Variants in UBE2S observed in about 807,000 individuals in gnomAD.
UBE2S encodes ubiquitin-conjugating enzyme E2 S.
Under a neutral mutation model 12.3 loss-of-function variants are expected in UBE2S, and 3 were observed. That is an observed-to-expected ratio of 0.24 (90% CI 0.11 to 0.63). The LOEUF (loss-of-function observed/expected upper bound fraction) is 0.63, where lower values mean the gene tolerates loss of function less well. UBE2S is among the 30% of genes least tolerant of loss of function. UBE2S has a pLI of 0.85. For missense variants in UBE2S, 211 were observed against 313.9 expected, an observed-to-expected ratio of 0.67 and a Z score of 2.48; for synonymous variants, 133 against 142.0, an observed-to-expected ratio of 0.94 and a Z score of 0.45.
In UBE2S at chr19:55,404,108, G is replaced by A; in HGVS notation, c.342+180C>T. 1 of 720,096 alleles carries A rather than the reference G, an allele frequency of 1.4e-6. No homozygotes were observed. The highest frequency in any genetic ancestry group is 2.3e-6 in the Non-Finnish European group (1 of 439,420). 44.6% of individuals were successfully genotyped at this position (720,096 alleles called of 1,614,324 possible). A position where few individuals can be genotyped will look rare whatever the true frequency, so the allele number is the denominator to read the frequency against. On this transcript the variant is annotated intron_variant, in intron 3 of 3. Coordinates refer to ENST00000264552, the MANE Select transcript of UBE2S (RefSeq NM_014501.3). The surrounding 1 kb of genome is among the most constrained non-coding windows in gnomAD (Gnocchi z 4.4). ...TCCTGGGCACTTCTCAACAGTACTT[G>A]GGTGTCCTGGGTCTGGCACTGTTTG...
At chr19:55,407,081 TG>T (rs2090100763) in intron 1 of UBE2S, 119 bp from the exon 2 acceptor site, 1 of 1,282,534 alleles carries the variant, frequency 7.8e-7, no homozygotes, top group South Asian at 1.5e-5. Context: ...CAATCACCCT[TG>T]AACTCCCAGA....
intron 2 of UBE2S, 143 bp downstream of exon 2, chr19:55,406,672 G>A (rs2090097975): frequency 3.1e-6 from 3 of 964,128 alleles, no homozygotes; most frequent in Admixed American, 2.8e-5. Context: ...ATTGTCATTT[G>A]TGGCGTCCTG....
At position 55,404,295 on chromosome 19, in the gene UBE2S, A is replaced by G. The variant is rs1330328877; in HGVS notation, c.335T>C (p.Val112Ala). The change falls in exon 3 of 4, where the codon GTA becomes GCA. Residue 112 changes from valine to alanine, a missense_variant. Transcript: ENST00000264552. This position sits in a 1 kb window ranked among gnomAD's most constrained non-coding sequence, Gnocchi z 4.4. ...DWTAELGIRH[V>A]LLTIKCLLIH... ...CCCCAGCCCAGAACTCACCAGCAGT[A>G]CGTGTCGGATGCCCAGCTCAGCCGT... 6.2e-7 allele frequency: 1 copy of G among 1,612,902 alleles called. No homozygotes were observed. Among genetic ancestry groups the G allele is most frequent in the African/African-American group, 1.3e-5 (1 of 74,902 alleles).
intron 2 of UBE2S, among the ~76,000 whole-genome samples, chr19:55,405,354 A>G (rs1476595031): frequency 6.6e-6 from 1 of 151,654 alleles, no homozygotes; most frequent in Non-Finnish European, 1.5e-5. Flanking sequence ...CTAAAAATAC[A>G]AAAAATTAGC....
intron 3 of UBE2S, chr19:55,403,291 A>C (rs1264240063): frequency 3.5e-6 from 2 of 573,178 alleles, no homozygotes; most frequent in East Asian, 5.7e-5. Context: ...GCTTTAGCAA[A>C]AAAGCCTCTA....
chr19:55,406,576 C>G (rs534564466), intron 2 of UBE2S, among the ~76,000 whole-genome samples: 3 of 152,282 alleles, frequency 2.0e-5, no homozygotes, highest in African/African-American at 7.2e-5. Flanking sequence ...TGTCTGAAAG[C>G]CTTGCTTCAA....
chr19:55,401,867 C>T, intron 3 of UBE2S, 105 bp from the exon 4 acceptor site: 2 of 1,241,180 alleles, frequency 1.6e-6, no homozygotes, highest in Middle Eastern at 1.9e-4. Flanking sequence ...CTGCTCCCAA[C>T]TCAGCTGCAG....
At chr19:55,402,263 C>T (rs530452315) in intron 3 of UBE2S, among the ~76,000 whole-genome samples, 4 of 152,316 alleles carry the variant, frequency 2.6e-5, no homozygotes, top group Non-Finnish European at 5.9e-5. Flanking sequence ...TAAAGCTCCC[C>T]ATCTTTCCAG....
Position 55,400,178 on chromosome 19 carries a change from T to C in UBE2S, c.*1258A>G, listed in dbSNP as rs2090046670. 1.3e-5 allele frequency: 2 copies of C among 152,184 alleles called. No homozygotes were observed. Among genetic ancestry groups the C allele is most frequent in the Non-Finnish European group, 2.9e-5 (2 of 68,034 alleles). 9.4% of individuals were successfully genotyped at this position (152,184 alleles called of 1,614,324 possible). ...TCTCCTATGGGTCAGAACTTGTAGA[T>C]TTTTATTGTAAATGTATTTTACTTT... On this transcript the variant is annotated 3_prime_UTR_variant, in exon 4 of 4. Coordinates refer to ENST00000264552, the MANE Select transcript of UBE2S (RefSeq NM_014501.3).
chr19:55,406,950 C>T lies in UBE2S; in HGVS notation c.16G>A (p.Glu6Lys). Residue 6 changes from glutamate to lysine, a missense_variant, in exon 2 of 4, where the codon GAG (glutamate) becomes AAG (lysine). By Grantham distance (56) the Glu-to-Lys change is moderately conservative (BLOSUM62 1). Transcript: ENST00000264552. Reference protein sequence around the residue: MNSNVENLPPHIIRLV... With the variant: MNSNVKNLPPHIIRLV... ...CGGATGATGTGCGGGGGTAGGTTCT[C>T]CACGTTGGAGTTCTGGGCACGGATG... The T allele has an allele frequency of 6.2e-7, 1 of 1,613,678 alleles. No homozygotes were observed. The highest frequency in any genetic ancestry group is 8.5e-7 in the Non-Finnish European group (1 of 1,179,778).
At chr19:55,402,825 T>C in intron 3 of UBE2S, 5 of 811,192 alleles carry the variant, frequency 6.2e-6, no homozygotes, top group Non-Finnish European at 7.6e-6. Flanking sequence ...GTTTGGGGTC[T>C]GTTTACCTTG....
Position 55,404,431 on chromosome 19 carries a change from C to T in UBE2S, c.199G>A (p.Gly67Arg). 1 of 1,612,660 alleles carries T rather than the reference C, an allele frequency of 6.2e-7. No homozygotes were observed. Among genetic ancestry groups the T allele is most frequent in the East Asian group, 2.2e-5 (1 of 44,838 alleles). Residue 67 changes from glycine to arginine, a missense_variant, in exon 3 of 4, where the codon GGG becomes AGG. By Grantham distance (125) the Gly-to-Arg change is moderately radical. Coordinates refer to ENST00000264552, the MANE Select transcript of UBE2S (RefSeq NM_014501.3). This position sits in a 1 kb window ranked among gnomAD's most constrained non-coding sequence, Gnocchi z 4.4. Reference sequence around the variant, plus strand: ...GGTGGGGAGGCAGGGAAGTCCTTCCCCAGCAGGAGTTTCATGCGGAACAGA... The same window carrying T: ...GGTGGGGAGGCAGGGAAGTCCTTCCTCAGCAGGAGTTTCATGCGGAACAGA... ...GGLFRMKLLL[G>R]KDFPASPPKG...
At chr19:55,407,181 C>G (rs1255387758) in intron 1 of UBE2S, among the ~76,000 whole-genome samples, 1 of 145,468 alleles carries the variant, frequency 6.9e-6, no homozygotes, top group Non-Finnish European at 1.5e-5. Flanking sequence ...GCAGATAACT[C>G]CACCCACCCC....
chr19:55,401,575 G>A lies in UBE2S; in HGVS notation c.530C>T (p.Ala177Val), dbSNP rs745530942. Residue 177 changes from alanine (A) to valine (V), a missense_variant, in exon 4 of 4, where the codon GCT (alanine) becomes GTT (valine). By Grantham distance (64) the Ala-to-Val change is moderately conservative. Transcript: ENST00000264552. ...TGGGGCCCCAGGGTCGGTGGAGGAA[G>A]CTTCAGTGCCACTGGCCAGGGCCCG... ...AGRALASGTEASSTDPGAPGG... is the reference protein window; with the variant it reads ...AGRALASGTEVSSTDPGAPGG... 1.2e-6 allele frequency: 2 copies of A among 1,609,922 alleles called. No homozygotes were observed. Among genetic ancestry groups the A allele is most frequent in the Admixed American group, 3.3e-5 (2 of 59,824 alleles).
intron 3 of UBE2S, chr19:55,402,854 C>A: frequency 9.1e-7 from 1 of 1,104,456 alleles, no homozygotes; most frequent in Non-Finnish European, 1.3e-6. Flanking sequence ...TCCTCTCCCT[C>A]CCCATGGCAG....
In UBE2S at chr19:55,401,184, G is replaced by A. The variant is rs2090054911; in HGVS notation, c.*252C>T. On this transcript the variant is annotated 3_prime_UTR_variant, in exon 4 of 4. Transcript: ENST00000264552. ...AGATGGACCCACTGCTGCAGTCCAT[G>A]AGGCTTTACAAGGACCCAGGGCCTG... 3 of 564,766 alleles carry A rather than the reference G, an allele frequency of 5.3e-6. No individual in the cohort carries two copies. The highest frequency in any genetic ancestry group is 9.3e-6 in the Non-Finnish European group (3 of 321,244). 35.0% of individuals were successfully genotyped at this position (564,766 alleles called of 1,614,324 possible).
Position 55,401,300 on chromosome 19 carries a change from T to G in UBE2S, c.*136A>C. The G allele has an allele frequency of 1.1e-6, 1 of 919,366 alleles. No individual in the cohort carries two copies. 57.0% of individuals were successfully genotyped at this position (919,366 alleles called of 1,614,324 possible). On this transcript the variant is annotated 3_prime_UTR_variant, in exon 4 of 4. Transcript: ENST00000264552. ...ACAGAAGCTGCTTTTCCAACTTTATTTAGAAAAACAAATCCAGGTCCCAGT... is the reference window on the plus strand; with the variant it reads ...ACAGAAGCTGCTTTTCCAACTTTATGTAGAAAAACAAATCCAGGTCCCAGT...
rs563080133 is a variant in UBE2S at position 55,402,983 on chromosome 19, T to C, written c.343-1221A>G. On this transcript the variant is annotated intron_variant, in intron 3 of 3. Coordinates refer to ENST00000264552, the MANE Select transcript of UBE2S (RefSeq NM_014501.3). Reference sequence around the variant, plus strand: ...GGGAGGCAGCAGGCTGTAAGCAGCCTGGAGCACCAGCCTAGACCAGGACGC... The same window carrying C: ...GGGAGGCAGCAGGCTGTAAGCAGCCCGGAGCACCAGCCTAGACCAGGACGC... 66 of 1,535,138 alleles carry C rather than the reference T, an allele frequency of 4.3e-5. No individual in the cohort carries two copies. The African/African-American group carries it at 8.1e-4, about 19-fold the overall frequency.
Position 55,407,682 on chromosome 19 carries a change from G to A in UBE2S, c.-93C>T, listed in dbSNP as rs1014185706. The A allele has an allele frequency of 3.9e-4, 420 of 1,068,514 alleles. No homozygotes were observed. Among genetic ancestry groups the A allele is most frequent in the Non-Finnish European group, 4.4e-4 (363 of 825,510 alleles). 66.2% of individuals were successfully genotyped at this position (1,068,514 alleles called of 1,614,324 possible). A position where few individuals can be genotyped will look rare whatever the true frequency, so the allele number is the denominator to read the frequency against. ...CGGGGGGCCCAACTGCTGCCGCTGCGGCCCTGGAGAGGCCCCGGCGGCCCC... is the reference window on the plus strand; with the variant it reads ...CGGGGGGCCCAACTGCTGCCGCTGCAGCCCTGGAGAGGCCCCGGCGGCCCC... On this transcript the variant is annotated 5_prime_UTR_variant, in exon 1 of 4. Transcript: ENST00000264552.
Sources: gnomAD v4.1 joint callset for allele counts (sites outside exome capture counted in the v4.1 genomes callset) on GRCh38, gnomAD v4.1.1 for gene constraint, Gnocchi (gnomAD v3.1) non-coding constraint, MANE v1.5 for transcripts, NCBI Gene and HGNC (gene_info 2026-07-23, HGNC 2026-07-21) for gene names.